The following SFMBT2 variants were observed in gnomAD, a reference collection of about 807,000 sequenced individuals.
SFMBT2 encodes the protein scm-like with four MBT domains protein 2.
A neutral mutation model predicts 110.1 loss-of-function variants in SFMBT2; 38 were observed. The observed-to-expected ratio is 0.35, with a 90% confidence interval of 0.27 to 0.45. The LOEUF is 0.45. Ranked by LOEUF, SFMBT2 falls within the 20% of genes least tolerant of loss-of-function variation. The pLI is 1.00. For missense variants in SFMBT2, 1,011 were observed against 1,094.9 expected (o/e 0.92, Z 1.08); for synonymous variants, 425 against 425.4 (o/e 1.00, Z 0.01).
At chr10:7,167,131 C>A in intron 20 of SFMBT2, among the ~76,000 whole-genome samples, 1 of 152,146 alleles carries the variant, frequency 6.6e-6, no homozygotes, top group East Asian at 1.9e-4. Flanking sequence ...GTATTGAGAT[C>A]TAGAGAAGTA....
At chr10:7,184,416 T>C (rs376772877) in intron 16 of SFMBT2, among the ~76,000 whole-genome samples, 45 of 152,254 alleles carry the variant, frequency 3.0e-4, no homozygotes, top group East Asian at 7.7e-4. Flanking sequence ...CCATGTGAGA[T>C]GTGCCTTTCA....
chr10:7,356,007 G>A (rs1230928627), intron 4 of SFMBT2, among the ~76,000 whole-genome samples: 5 of 152,136 alleles, frequency 3.3e-5, no homozygotes, highest in East Asian at 1.9e-4. Flanking sequence ...CTCTGACAGT[G>A]GCAACACCAC....
At chr10:7,193,556 C>T (rs1838671846) in intron 15 of SFMBT2, among the ~76,000 whole-genome samples, 2 of 151,816 alleles carry the variant, frequency 1.3e-5, no homozygotes, top group African/African-American at 4.8e-5. Context: ...GAGCGCTTGG[C>T]TGGTCTGCTC....
intron 2 of SFMBT2, among the ~76,000 whole-genome samples, chr10:7,371,295 TG>T (rs1845059080): frequency 6.6e-6 from 1 of 152,092 alleles, no homozygotes; most frequent in African/African-American, 2.4e-5. Flanking sequence ...AACAAATTTT[TG>T]TATTTTTTAG....
In SFMBT2 at chr10:7,171,139, T is replaced by C. The variant is rs1429171623; in HGVS notation, c.2416-83A>G. Reference sequence around the variant, plus strand: ...TCCAGCACTCTCCAGGCCTCGGCCGTTCCTGGCCGGAAGCCACTGCCTCCC... The same window carrying C: ...TCCAGCACTCTCCAGGCCTCGGCCGCTCCTGGCCGGAAGCCACTGCCTCCC... On this transcript the variant is annotated intron_variant, in intron 19 of 20. Coordinates refer to ENST00000397167, the MANE Select transcript of SFMBT2 (RefSeq NM_001387889.1). This position sits in a 1 kb window ranked among gnomAD's most constrained non-coding sequence, Gnocchi z 4.9. 3.8e-6 allele frequency: 6 copies of C among 1,596,224 alleles called. No individual in the cohort carries two copies. The highest frequency in any genetic ancestry group is 5.1e-6 in the Non-Finnish European group (6 of 1,171,198).
At chr10:7,291,397 T>C (rs1470738781) in intron 4 of SFMBT2, among the ~76,000 whole-genome samples, 1 of 152,190 alleles carries the variant, frequency 6.6e-6, no homozygotes, top group South Asian at 2.1e-4. Flanking sequence ...TGGGTCACAG[T>C]TTTCGTTTGC....
chr10:7,363,200 G>A (rs1324863192), intron 4 of SFMBT2, among the ~76,000 whole-genome samples: 1 of 152,142 alleles, frequency 6.6e-6, no homozygotes, highest in East Asian at 1.9e-4. Context: ...AGTCTCAAGA[G>A]ATCTGATGGT....
chr10:7,183,307 GA>G (rs1838296966), intron 16 of SFMBT2, among the ~76,000 whole-genome samples: 1 of 152,184 alleles, frequency 6.6e-6, no homozygotes, highest in South Asian at 2.1e-4. Context: ...AATCTGGAGG[GA>G]AGAACGCAAT....
intron 9 of SFMBT2, among the ~76,000 whole-genome samples, chr10:7,240,952 C>A (rs1216996717): frequency 6.6e-6 from 1 of 152,140 alleles, no homozygotes; most frequent in Non-Finnish European, 1.5e-5. Flanking sequence ...GCTGTGTCCT[C>A]ACCCAAATCT....
Position 7,162,663 on chromosome 10 carries a change from T to A in SFMBT2, c.*1107A>T, listed in dbSNP as rs886421327. ...CTTCCTCCTCTCTGAAACTAAGCTT[T>A]TCCTTTGATATATAATCCAACATTT... On this transcript the variant is annotated 3_prime_UTR_variant, in exon 21 of 21. Transcript: ENST00000397167. 1 of 152,252 alleles carries A rather than the reference T, an allele frequency of 6.6e-6. No individual in the cohort carries two copies. Among genetic ancestry groups the A allele is most frequent in the African/African-American group, 2.4e-5 (1 of 41,446 alleles). 9.4% of individuals were successfully genotyped at this position (152,252 alleles called of 1,614,324 possible).
chr10:7,370,519 G>T, intron 2 of SFMBT2, 144 bp from the exon 3 acceptor site: 1 of 689,280 alleles, frequency 1.5e-6, no homozygotes, highest in Non-Finnish European at 2.4e-6. Flanking sequence ...TTTTTGCAAA[G>T]CTTCAGTCTG....
chr10:7,347,629 T>G (rs1164839101), intron 4 of SFMBT2, among the ~76,000 whole-genome samples: 2 of 152,172 alleles, frequency 1.3e-5, no homozygotes. Context: ...CACATGTAGG[T>G]AGCGTAGAAA....
At chr10:7,268,542 G>A (rs570725634) in intron 7 of SFMBT2, among the ~76,000 whole-genome samples, 9 of 151,430 alleles carry the variant, frequency 5.9e-5, no homozygotes, top group East Asian at 1.9e-4. Context: ...ACAGAGTCTC[G>A]CTCTGTCGCC....
intron 16 of SFMBT2, among the ~76,000 whole-genome samples, chr10:7,181,797 A>G (rs370154436): frequency 6.6e-6 from 1 of 152,348 alleles, no homozygotes; most frequent in East Asian, 1.9e-4. Context: ...TTTCAAAGGC[A>G]TGCTGAACAT....
At chr10:7,401,139 A>T (rs929501331) in intron 1 of SFMBT2, among the ~76,000 whole-genome samples, 8 of 152,150 alleles carry the variant, frequency 5.3e-5, no homozygotes, top group African/African-American at 1.4e-4. Flanking sequence ...TCATAAAAAA[A>T]AAATAAAAAT....
chr10:7,408,387 G>C lies in SFMBT2; in HGVS notation c.-52+2474C>G, dbSNP rs1435670690. On this transcript the variant is annotated intron_variant, in intron 1 of 20. Coordinates refer to ENST00000397167, the MANE Select transcript of SFMBT2 (RefSeq NM_001387889.1). This position sits in a 1 kb window ranked among gnomAD's most constrained non-coding sequence, Gnocchi z 5.7. ...CCCGGCCCCCACCCACTGACAGCAC[G>C]GCGTCCGAGTGACCCTGTCTAGCCT... is the stretch of plus-strand genomic sequence containing the variant. Among the ~76,000 whole-genome samples, 1 of 152,232 alleles carries C rather than the reference G, an allele frequency of 6.6e-6. No individual in the cohort carries two copies. Among genetic ancestry groups the C allele is most frequent in the Non-Finnish European group, 1.5e-5 (1 of 68,024 alleles).
intron 1 of SFMBT2, among the ~76,000 whole-genome samples, chr10:7,406,796 G>C (rs539873038): frequency 9.1e-4 from 138 of 152,328 alleles, no homozygotes; most frequent in African/African-American, 3.3e-3. Flanking sequence ...ATGGGAAATG[G>C]GAAACAGTTC....
At chr10:7,355,653 A>G (rs1307383341) in intron 4 of SFMBT2, among the ~76,000 whole-genome samples, 1 of 152,186 alleles carries the variant, frequency 6.6e-6, no homozygotes, top group East Asian at 1.9e-4. Context: ...TCTATTAAAA[A>G]TACAAAAAAA....
Position 7,172,399 on chromosome 10 carries a change from A to G in SFMBT2, c.2151+96T>C, listed in dbSNP as rs572727462. ...CAGTGTTTCTGACCATCTTGCCACA[A>G]TCTCCAGGGCCACCTCTGCTGTGAA... On this transcript the variant is annotated intron_variant, in intron 18 of 20. Transcript: ENST00000397167. This position sits in a 1 kb window ranked among gnomAD's most constrained non-coding sequence, Gnocchi z 4.6. 1.5e-5 allele frequency: 24 copies of G among 1,578,232 alleles called. 1 individual carries two copies. The highest frequency in any genetic ancestry group is 2.3e-4 in the Middle Eastern group (1 of 4,338).
Sources: gnomAD v4.1 joint callset for allele counts (sites outside exome capture counted in the v4.1 genomes callset) on GRCh38, gnomAD v4.1.1 for gene constraint, Gnocchi (gnomAD v3.1) non-coding constraint, MANE v1.5 for transcripts, NCBI Gene and HGNC (gene_info 2026-07-23, HGNC 2026-07-21) for gene names.